MACROH2A2: variants seen among roughly 807,000 people sequenced by gnomAD.
MACROH2A2 encodes the protein macroH2A.2 histone, also known as core histone macro-H2A.2.
In MACROH2A2, 6 loss-of-function variants were observed where a neutral mutation model predicts 37.6. The observed-to-expected ratio is 0.16, with a 90% CI of 0.09 to 0.32. The LOEUF is 0.32. Ranked by LOEUF, MACROH2A2 falls within the 10% of genes least tolerant of loss-of-function variation. The pLI, the probability that MACROH2A2 is intolerant of heterozygous loss-of-function variation, is 1.00. For synonymous variants in MACROH2A2, 192 were observed against 202.7 expected, an observed-to-expected ratio of 0.95 and a Z score of 0.45; for missense variants, 290 against 485.9, an observed-to-expected ratio of 0.60 and a Z score of 3.79.
chr10:70,095,354 T>C, intron 5 of MACROH2A2, among the ~76,000 whole-genome samples: 1 of 137,422 alleles, frequency 7.3e-6, no homozygotes, highest in South Asian at 2.3e-4. Flanking sequence ...GGAGACAGAG[T>C]GAGACTCCGT....
At chr10:70,062,145 T>A (rs1191445743) in intron 1 of MACROH2A2, among the ~76,000 whole-genome samples, 1 of 152,192 alleles carries the variant, frequency 6.6e-6, no homozygotes, top group Non-Finnish European at 1.5e-5. Context: ...AGCTAAGATT[T>A]TTTTCATACC....
At chr10:70,111,075 CCTAGCCAACATGGTGAAA>C (rs1157273434) in intron 8 of MACROH2A2, among the ~76,000 whole-genome samples, 3 of 152,068 alleles carry the variant, frequency 2.0e-5, no homozygotes, top group Non-Finnish European at 2.9e-5. Flanking sequence ...TCAAGACCAG[CCTAGCCAACATGGTGAAA>C]CCCCGTCTCT....
At chr10:70,086,593 G>T (rs78038371) in intron 2 of MACROH2A2, among the ~76,000 whole-genome samples, 7,006 of 152,264 alleles carry the variant, frequency 0.046, 227 homozygotes, top group African/African-American at 0.084. Flanking sequence ...GCTTCCCATG[G>T]CCCTGCCTCT....
chr10:70,101,858 A>G (rs1204961139), intron 7 of MACROH2A2, among the ~76,000 whole-genome samples: 2 of 152,072 alleles, frequency 1.3e-5, no homozygotes, highest in Admixed American at 6.5e-5. Context: ...ATAATATTCC[A>G]TTTTGTTTAA....
intron 5 of MACROH2A2, among the ~76,000 whole-genome samples, chr10:70,094,683 A>G (rs1353510998): frequency 2.0e-5 from 3 of 152,226 alleles, no homozygotes; most frequent in African/African-American, 7.2e-5. Context: ...TCACTGTTAC[A>G]TGACGATTAG....
chr10:70,083,953 A>G (rs1220534379), intron 2 of MACROH2A2, among the ~76,000 whole-genome samples: 1 of 151,908 alleles, frequency 6.6e-6, no homozygotes, highest in Non-Finnish European at 1.5e-5. Context: ...AGCGTTTTGT[A>G]TGTGCTGACA....
intron 7 of MACROH2A2, among the ~76,000 whole-genome samples, chr10:70,103,851 T>C (rs1339901687): frequency 6.6e-6 from 1 of 150,886 alleles, no homozygotes; most frequent in African/African-American, 2.4e-5. Context: ...AAAAAAACTG[T>C]CAACCAAGAA....
chr10:70,057,838 C>A (rs997553119), intron 1 of MACROH2A2, among the ~76,000 whole-genome samples: 1 of 152,122 alleles, frequency 6.6e-6, no homozygotes, highest in Non-Finnish European at 1.5e-5. Context: ...ATGTATTAAC[C>A]CATTTAATTC....
At chr10:70,097,147 C>T (rs192555899) in intron 6 of MACROH2A2, among the ~76,000 whole-genome samples, 17 of 152,212 alleles carry the variant, frequency 1.1e-4, no homozygotes, top group African/African-American at 1.4e-4. Flanking sequence ...TAAGGCCAAC[C>T]GCTTCAGGGT....
intron 6 of MACROH2A2, among the ~76,000 whole-genome samples, chr10:70,097,437 A>G (rs1220875666): frequency 1.3e-5 from 2 of 152,158 alleles, no homozygotes; most frequent in Non-Finnish European, 2.9e-5. Context: ...AGTCCCTCCC[A>G]TTACGATTCC....
In MACROH2A2 at chr10:70,052,892, A is replaced by C. The variant is rs1456097098; in HGVS notation, c.-168A>C. ...ATTGACACGCACAGATAGAACCCAA[A>C]GAAAGGCAAAGAGTCCTGCCCGGCA... is the stretch of plus-strand genomic sequence containing the variant. On this transcript the variant is annotated 5_prime_UTR_variant, in exon 1 of 9. Coordinates refer to ENST00000373255, the MANE Select transcript of MACROH2A2 (RefSeq NM_018649.3). The C allele has an allele frequency of 1.3e-5, 2 of 152,738 alleles. No individual in the cohort carries two copies. Among genetic ancestry groups the C allele is most frequent in the Non-Finnish European group, 2.9e-5 (2 of 68,126 alleles). The allele number at this position is 152,738 out of a possible 1,614,324, so 9.5% of individuals were successfully genotyped here.
At chr10:70,077,287 G>T (rs557768328) in intron 2 of MACROH2A2, among the ~76,000 whole-genome samples, 17 of 152,212 alleles carry the variant, frequency 1.1e-4, no homozygotes, top group Non-Finnish European at 2.2e-4. Context: ...GCAAGTTCCC[G>T]CCAGGCACAG....
At chr10:70,076,433 T>A (rs2136625829) in intron 2 of MACROH2A2, among the ~76,000 whole-genome samples, 1 of 152,336 alleles carries the variant, frequency 6.6e-6, no homozygotes, top group African/African-American at 2.4e-5. Context: ...TTAATTTTTT[T>A]ACTGAAAGAT....
chr10:70,053,646 C>T lies in MACROH2A2; in HGVS notation c.-60+646C>T, dbSNP rs2071990693. ...GGGCTGGGGGTTGCTGCGCGGACAC[C>T]CGGGCGCCGCGGGCGGGCGTGCGCC... On this transcript the variant is annotated intron_variant, in intron 1 of 8. Coordinates refer to ENST00000373255, the MANE Select transcript of MACROH2A2 (RefSeq NM_018649.3). The surrounding 1 kb of genome is among the most constrained non-coding windows in gnomAD (Gnocchi z 4.8). 6.6e-6 allele frequency among the ~76,000 whole-genome samples: 1 copy of T among 151,032 alleles called. No individual in the cohort carries two copies. The highest frequency in any genetic ancestry group is 2.4e-5 in the African/African-American group (1 of 41,254).
intron 6 of MACROH2A2, among the ~76,000 whole-genome samples, chr10:70,097,295 C>T (rs914016364): frequency 6.6e-6 from 1 of 152,140 alleles, no homozygotes; most frequent in African/African-American, 2.4e-5. Flanking sequence ...CCTGAACCTC[C>T]GTTTCCTCCT....
chr10:70,071,094 T>TGTGC (rs537404247), intron 1 of MACROH2A2, among the ~76,000 whole-genome samples: 17 of 150,758 alleles, frequency 1.1e-4, no homozygotes, highest in Admixed American at 2.6e-4. Context: ...TGTGTGTGTG[T>TGTGC]GCGCGTGTGC....
At chr10:70,081,180 C>A (rs2072174509) in intron 2 of MACROH2A2, among the ~76,000 whole-genome samples, 1 of 151,812 alleles carries the variant, frequency 6.6e-6, no homozygotes, top group Non-Finnish European at 1.5e-5. Flanking sequence ...CAGCTATGAA[C>A]CCTCAGGATC....
chr10:70,057,209 G>A (rs1393033204), intron 1 of MACROH2A2, among the ~76,000 whole-genome samples: 3 of 152,208 alleles, frequency 2.0e-5, no homozygotes, highest in African/African-American at 4.8e-5. Context: ...GGTAAAACAT[G>A]CAATAGCATT....
At chr10:70,104,356 A>G (rs910477202) in intron 7 of MACROH2A2, among the ~76,000 whole-genome samples, 1 of 151,568 alleles carries the variant, frequency 6.6e-6, no homozygotes, top group Admixed American at 6.6e-5. Context: ...TCCAGTGGAC[A>G]GAGAGGAAAA....
Sources: gnomAD v4.1 joint callset for allele counts (sites outside exome capture counted in the v4.1 genomes callset) on GRCh38, gnomAD v4.1.1 for gene constraint, Gnocchi (gnomAD v3.1) non-coding constraint, MANE v1.5 for transcripts, NCBI Gene and HGNC (gene_info 2026-07-23, HGNC 2026-07-21) for gene names.